PLXNA4: variants seen among roughly 807,000 people sequenced by gnomAD.
PLXNA4 encodes the protein plexin-A4.
PLXNA4 carries 44 observed loss-of-function variants against 191.8 expected under a neutral mutation model. That is an observed-to-expected ratio of 0.23 (90% CI 0.18 to 0.29). PLXNA4 has a LOEUF of 0.29. Ranked by LOEUF, PLXNA4 falls within the 10% of genes least tolerant of loss-of-function variation. PLXNA4 has a pLI of 1.00. For missense variants in PLXNA4, 1,800 were observed against 2,488.8 expected, an observed-to-expected ratio of 0.72 and a Z score of 5.89; for synonymous variants, 1,082 against 1,009.5, an observed-to-expected ratio of 1.07 and a Z score of -1.36.
At position 132,554,616 on chromosome 7, in the gene PLXNA4, C is replaced by A. The variant is rs1225336337; in HGVS notation, c.-87+21806G>T. 3.3e-5 allele frequency among the ~76,000 whole-genome samples: 5 copies of A among 152,184 alleles called. 1 individual carries two copies. In the South Asian group the frequency reaches 8.3e-4, roughly 25 times the overall value. On this transcript the variant is annotated intron_variant, in intron 1 of 31. Transcript: ENST00000321063. The stretch of plus-strand genomic sequence containing the variant: ...AGCTAAGGTGCCTGGAAGAATCGAG[C>A]ACGCTCTGAACCAGGGTGCCTCAGG...
chr7:132,131,438 GC>G (rs976673200), intron 31 of PLXNA4, among the ~76,000 whole-genome samples: 1 of 152,032 alleles, frequency 6.6e-6, no homozygotes, highest in African/African-American at 2.4e-5. Context: ...CACAAGGCCT[GC>G]CCCCCGAGAG....
At chr7:132,462,139 G>C (rs1049936952) in intron 3 of PLXNA4, among the ~76,000 whole-genome samples, 5 of 152,188 alleles carry the variant, frequency 3.3e-5, no homozygotes, top group Admixed American at 1.3e-4. Flanking sequence ...AAAATTGGAA[G>C]TAGGGGGAGG....
chr7:132,218,447 A>C (rs1798038984), intron 9 of PLXNA4, among the ~76,000 whole-genome samples: 1 of 152,174 alleles, frequency 6.6e-6, no homozygotes, highest in Non-Finnish European at 1.5e-5. Flanking sequence ...AAGCCTCTCT[A>C]GTCTGGTGCC....
At chr7:132,326,531 C>T (rs769346439) in intron 3 of PLXNA4, among the ~76,000 whole-genome samples, 1 of 152,060 alleles carries the variant, frequency 6.6e-6, no homozygotes, top group Non-Finnish European at 1.5e-5. Context: ...CTTCCCCTTG[C>T]CTTCCCACTG....
chr7:132,611,450 G>A (rs1428991021), intron 2 of PLXNA4, among the ~76,000 whole-genome samples: 1 of 152,186 alleles, frequency 6.6e-6, no homozygotes, highest in African/African-American at 2.4e-5. Context: ...AAAAGTGACA[G>A]CAGTGGGGCC....
intron 3 of PLXNA4, among the ~76,000 whole-genome samples, chr7:132,436,235 A>G (rs1795464303): frequency 6.6e-6 from 1 of 152,206 alleles, no homozygotes; most frequent in African/African-American, 2.4e-5. Context: ...CACGCTGCAA[A>G]TCAGATGACA....
chr7:132,648,039 A>G (rs1690122323), intron 1 of PLXNA4, among the ~76,000 whole-genome samples: 1 of 152,026 alleles, frequency 6.6e-6, no homozygotes, highest in Non-Finnish European at 1.5e-5. Flanking sequence ...ACACACAGTC[A>G]TATATATACT....
chr7:132,339,223 C>A (rs551906436), intron 3 of PLXNA4, among the ~76,000 whole-genome samples: 2 of 152,174 alleles, frequency 1.3e-5, no homozygotes, highest in East Asian at 1.9e-4. Flanking sequence ...ATCACAGAAC[C>A]TTTGAGCCAG....
At chr7:132,253,238 T>TA in intron 4 of PLXNA4, among the ~76,000 whole-genome samples, 1 of 59,186 alleles carries the variant, frequency 1.7e-5, no homozygotes, top group South Asian at 7.5e-4. Flanking sequence ...TTTTCTTTTT[T>TA]TTTTTTTTTT....
chr7:132,312,751 G>T (rs1365616085), intron 3 of PLXNA4, among the ~76,000 whole-genome samples: 1 of 152,140 alleles, frequency 6.6e-6, no homozygotes, highest in Non-Finnish European at 1.5e-5. Context: ...TTCCTCATCT[G>T]GAAGATGCAG....
chr7:132,560,042 G>A (rs1286076286), intron 1 of PLXNA4, among the ~76,000 whole-genome samples: 1 of 152,160 alleles, frequency 6.6e-6, no homozygotes, highest in Non-Finnish European at 1.5e-5. Flanking sequence ...TAGTCGCCAG[G>A]TCCTACCTGC....
chr7:132,487,364 C>T (rs1379161821), intron 3 of PLXNA4, among the ~76,000 whole-genome samples: 2 of 152,200 alleles, frequency 1.3e-5, no homozygotes, highest in African/African-American at 4.8e-5. Context: ...ATCCCCCATA[C>T]TGCTTGCTGA....
chr7:132,128,740 G>T lies in PLXNA4; in HGVS notation c.*1739C>A, dbSNP rs1464428926. ...AATGGTGTGGTTTCTTCCCCAAGGG[G>T]GGCTCATTCTGAGTGGGTGACAAGG... On this transcript the variant is annotated 3_prime_UTR_variant, in exon 32 of 32. Transcript: ENST00000321063. The T allele has an allele frequency of 6.6e-6, 1 of 152,236 alleles. No individual in the cohort carries two copies. Among genetic ancestry groups the T allele is most frequent in the Non-Finnish European group, 1.5e-5 (1 of 68,056 alleles). The allele number at this position is 152,236 out of a possible 1,614,324, so 9.4% of individuals were successfully genotyped here. A position where few individuals can be genotyped will look rare whatever the true frequency, so the allele number is the denominator to read the frequency against.
chr7:132,236,502 C>T (rs1991119), intron 5 of PLXNA4, among the ~76,000 whole-genome samples: 1 of 152,252 alleles, frequency 6.6e-6, no homozygotes, highest in South Asian at 2.1e-4. Context: ...AGCAAGCAAC[C>T]GAGTCACTTG....
chr7:132,434,497 C>T (rs1795394393), intron 3 of PLXNA4, among the ~76,000 whole-genome samples: 1 of 152,232 alleles, frequency 6.6e-6, no homozygotes, highest in Admixed American at 6.5e-5. Context: ...AAGACACAAA[C>T]CAGTTTGTGG....
At chr7:132,147,643 T>C (rs1285960965) in intron 27 of PLXNA4, among the ~76,000 whole-genome samples, 1 of 152,246 alleles carries the variant, frequency 6.6e-6, no homozygotes, top group African/African-American at 2.4e-5. Flanking sequence ...AGATAATAGC[T>C]ATCACACAGC....
At position 132,303,883 on chromosome 7, in the gene PLXNA4, T is replaced by C. The variant is rs796085579; in HGVS notation, c.1372-5661A>G. On this transcript the variant is annotated intron_variant, in intron 3 of 31. Transcript: ENST00000321063. ...AGGAGTGTTCTAAGGCCTCTCTTTG[T>C]TCTTCTCAGGAGATCTAGCCAACTG... 4.6e-5 allele frequency among the ~76,000 whole-genome samples: 7 copies of C among 152,292 alleles called. 1 individual carries two copies. The highest frequency in any genetic ancestry group is 1.7e-4 in the African/African-American group (7 of 41,562).
At chr7:132,494,639 T>A (rs1028172110) in intron 2 of PLXNA4, among the ~76,000 whole-genome samples, 1 of 152,110 alleles carries the variant, frequency 6.6e-6, no homozygotes, top group Non-Finnish European at 1.5e-5. Flanking sequence ...CGAATTACAA[T>A]CTAATAGCTT....
At chr7:132,285,998 G>C (rs1800669961) in intron 4 of PLXNA4, among the ~76,000 whole-genome samples, 1 of 148,328 alleles carries the variant, frequency 6.7e-6, no homozygotes, top group Non-Finnish European at 1.5e-5. Context: ...CTCCAGACCA[G>C]AGTCCTTGTA....
Sources: allele counts gnomAD v4.1 joint callset (sites outside exome capture counted in the v4.1 genomes callset), GRCh38; gene constraint gnomAD v4.1.1; transcripts MANE v1.5; gene names NCBI Gene and HGNC (gene_info 2026-07-23, HGNC 2026-07-21).